FBLN1: variants seen among roughly 807,000 people sequenced by gnomAD.
The protein encoded by FBLN1 is fibulin-1.
A neutral mutation model predicts 89.7 loss-of-function variants in FBLN1; 34 were observed. That is an observed-to-expected ratio of 0.38 (90% CI 0.29 to 0.50). The LOEUF (loss-of-function observed/expected upper bound fraction) is 0.50, where lower values mean the gene tolerates loss of function less well. FBLN1 is among the 20% of genes least tolerant of loss of function. FBLN1 has a pLI of 0.92. For missense variants in FBLN1, 777 were observed against 988.1 expected (o/e 0.79, Z 2.86); for synonymous variants, 393 against 391.3 (o/e 1.00, Z -0.05).
At chr22:45,533,421 G>A (rs990189273) in intron 6 of FBLN1, among the ~76,000 whole-genome samples, 1 of 152,206 alleles carries the variant, frequency 6.6e-6, no homozygotes, top group Non-Finnish European at 1.5e-5. Context: ...CCGGATCCAG[G>A]ATCTGCTGAG....
intron 14 of FBLN1, among the ~76,000 whole-genome samples, chr22:45,559,961 G>A (rs1190970089): frequency 1.3e-5 from 2 of 152,192 alleles, no homozygotes; most frequent in African/African-American, 2.4e-5. Flanking sequence ...TTGAGGGGCC[G>A]TGATTCTCTT....
intron 14 of FBLN1, among the ~76,000 whole-genome samples, chr22:45,551,623 A>G (rs1198380359): frequency 1.3e-5 from 2 of 152,222 alleles, no homozygotes; most frequent in African/African-American, 4.8e-5. Flanking sequence ...TGTCTGCTTG[A>G]AAACCCAACA....
In FBLN1 at chr22:45,579,599, G is replaced by A. The variant is rs901200264; in HGVS notation, c.1972+2491G>A. Among the ~76,000 whole-genome samples the A allele has an allele frequency of 2.6e-5, 4 of 152,170 alleles. No homozygotes were observed. Among genetic ancestry groups the A allele is most frequent in the African/African-American group, 7.2e-5 (3 of 41,438 alleles). On this transcript the variant is annotated intron_variant, in intron 16 of 16. Transcript: ENST00000327858. The surrounding 1 kb of genome is among the most constrained non-coding windows in gnomAD (Gnocchi z 5.5). Reference sequence around the variant, plus strand: ...CTGGGGAGGCCCCTGCCTCTTCCACGCCTCGGTCTGTGTGCAGGATGCCCC... The same window carrying A: ...CTGGGGAGGCCCCTGCCTCTTCCACACCTCGGTCTGTGTGCAGGATGCCCC...
chr22:45,532,969 A>C lies in FBLN1; in HGVS notation c.545-94A>C. ...CCTGCCTTCCTGGGTTCGTCTGCCC[A>C]GAGGGCGTTTTCTATGACCCAGCCT... On this transcript the variant is annotated intron_variant, in intron 5 of 16. Coordinates refer to ENST00000327858, the MANE Select transcript of FBLN1 (RefSeq NM_006486.3). The surrounding 1 kb of genome is among the most constrained non-coding windows in gnomAD (Gnocchi z 4.2). The C allele has an allele frequency of 3.4e-6, 4 of 1,167,538 alleles. No individual in the cohort carries two copies. The South Asian group carries it at 3.8e-5, about 11-fold the overall frequency. 72.3% of individuals were successfully genotyped at this position (1,167,538 alleles called of 1,614,324 possible).
intron 16 of FBLN1, among the ~76,000 whole-genome samples, chr22:45,593,840 T>C (rs1222087738): frequency 6.6e-6 from 1 of 152,210 alleles, no homozygotes; most frequent in Non-Finnish European, 1.5e-5. Flanking sequence ...TGCCTTCATC[T>C]TACGACGTGT....
At chr22:45,533,222 T>G in intron 6 of FBLN1, 58 bp downstream of exon 6, 6 of 1,477,300 alleles carry the variant, frequency 4.1e-6, no homozygotes, top group Non-Finnish European at 5.7e-6. Flanking sequence ...TTGGGAGCTC[T>G]GTGCTGGAGG....
At chr22:45,542,369 C>A in intron 10 of FBLN1, 86 bp downstream of exon 10, 2 of 1,532,924 alleles carry the variant, frequency 1.3e-6, no homozygotes, top group East Asian at 2.3e-5. Flanking sequence ...GTGATGTGGT[C>A]TGATCCTCAT....
Position 45,563,445 on chromosome 22 carries a change from G to T in FBLN1, c.1698-11066G>T, listed in dbSNP as rs1241149386. On this transcript the variant is annotated intron_variant, in intron 14 of 16. Transcript: ENST00000327858. The surrounding 1 kb of genome is among the most constrained non-coding windows in gnomAD (Gnocchi z 5.7). The stretch of plus-strand genomic sequence containing the variant: ...GGGGGTGAGCTGGGCACTGGCCACC[G>T]CCTGGTACCCCCGAGGGCTGACTGA... The T allele has an allele frequency of 8.0e-6, 11 of 1,375,152 alleles. No homozygotes were observed. The highest frequency in any genetic ancestry group is 1.1e-5 in the Non-Finnish European group (11 of 1,023,924). The allele number at this position is 1,375,152 out of a possible 1,614,324, so 85.2% of individuals were successfully genotyped here.
chr22:45,560,858 G>A (rs1019575570), intron 14 of FBLN1, among the ~76,000 whole-genome samples: 2 of 152,140 alleles, frequency 1.3e-5, no homozygotes, highest in African/African-American at 4.8e-5. Context: ...TGTTAGGGGT[G>A]GCTCCTGAGG....
In FBLN1 at chr22:45,588,213, T is replaced by C. The variant is rs1351334189; in HGVS notation, c.1972+11105T>C. Among the ~76,000 whole-genome samples the C allele has an allele frequency of 6.6e-6, 1 of 152,000 alleles. No individual in the cohort carries two copies. Among genetic ancestry groups the C allele is most frequent in the Non-Finnish European group, 1.5e-5 (1 of 67,982 alleles). On this transcript the variant is annotated intron_variant, in intron 16 of 16. Coordinates refer to ENST00000327858, the MANE Select transcript of FBLN1 (RefSeq NM_006486.3). This position sits in a 1 kb window ranked among gnomAD's most constrained non-coding sequence, Gnocchi z 5.1. Reference sequence around the variant, plus strand: ...TGACATTTGTCAAAGACTCAGGAGCTGAGGAAGTGACCCACACAGAGATCT... The same window carrying C: ...TGACATTTGTCAAAGACTCAGGAGCCGAGGAAGTGACCCACACAGAGATCT...
intron 7 of FBLN1, among the ~76,000 whole-genome samples, chr22:45,534,131 C>T (rs958070877): frequency 1.2e-4 from 18 of 152,202 alleles, no homozygotes; most frequent in African/African-American, 4.3e-4. Flanking sequence ...AAAAAGTTGA[C>T]AGTAGTGCAC....
rs1159658341 is a variant in FBLN1, at chr22:45,532,257, G to A, written c.545-806G>A. 6.6e-6 allele frequency among the ~76,000 whole-genome samples: 1 copy of A among 152,160 alleles called. No homozygotes were observed. Among genetic ancestry groups the A allele is most frequent in the Non-Finnish European group, 1.5e-5 (1 of 68,034 alleles). On this transcript the variant is annotated intron_variant, in intron 5 of 16. Coordinates refer to ENST00000327858, the MANE Select transcript of FBLN1 (RefSeq NM_006486.3). This position sits in a 1 kb window ranked among gnomAD's most constrained non-coding sequence, Gnocchi z 4.2. Reference sequence around the variant, plus strand: ...AGCAAGCCTCAGGGCTATGGGAGGAGCTTTCTGGGGAGGGGAGAGCTGGTC... The same window carrying A: ...AGCAAGCCTCAGGGCTATGGGAGGAACTTTCTGGGGAGGGGAGAGCTGGTC...
rs2089196723 is a variant in FBLN1 at position 45,597,447 on chromosome 22, A to G, written c.1973-2860A>G. ...GGTGGTAAGAAGTGTCTCTGCGCCT[A>G]GTACCAGTAAAGTTGGCAGGTCACT... is the stretch of plus-strand genomic sequence containing the variant. On this transcript the variant is annotated intron_variant, in intron 16 of 16. Coordinates refer to ENST00000327858, the MANE Select transcript of FBLN1 (RefSeq NM_006486.3). The surrounding 1 kb of genome is among the most constrained non-coding windows in gnomAD (Gnocchi z 4.2). Among the ~76,000 whole-genome samples, 1 of 152,214 alleles carries G rather than the reference A, an allele frequency of 6.6e-6. No homozygotes were observed. Among genetic ancestry groups the G allele is most frequent in the South Asian group, 2.1e-4 (1 of 4,834 alleles).
intron 14 of FBLN1, among the ~76,000 whole-genome samples, chr22:45,569,258 C>T (rs1374608306): frequency 6.6e-6 from 1 of 152,164 alleles, no homozygotes; most frequent in East Asian, 1.9e-4. Context: ...GTCCCTATCT[C>T]CAAATGCAGT....
chr22:45,531,855 A>G lies in FBLN1; in HGVS notation c.544+531A>G, dbSNP rs2088413160. 6.6e-6 allele frequency among the ~76,000 whole-genome samples: 1 copy of G among 152,238 alleles called. No individual in the cohort carries two copies. The highest frequency in any genetic ancestry group is 2.4e-5 in the African/African-American group (1 of 41,458). On this transcript the variant is annotated intron_variant, in intron 5 of 16. Transcript: ENST00000327858. This position sits in a 1 kb window ranked among gnomAD's most constrained non-coding sequence, Gnocchi z 4.9. ...AGCCCCCAGGCCTTGTGAAGGTGAC[A>G]GAGGCCTCCCTCAGGCTCTCAGGGG...
chr22:45,547,627 G>A (rs1429512877), intron 12 of FBLN1, among the ~76,000 whole-genome samples: 18 of 151,594 alleles, frequency 1.2e-4, no homozygotes, highest in Admixed American at 9.2e-4. Flanking sequence ...CTCGAACTCC[G>A]TGGCTCAAGT....
intron 8 of FBLN1, among the ~76,000 whole-genome samples, chr22:45,541,021 C>T (rs1431602092): frequency 6.6e-6 from 1 of 152,184 alleles, no homozygotes; most frequent in Non-Finnish European, 1.5e-5. Flanking sequence ...GAAGAAGGGC[C>T]AGAGAGGTGG....
Position 45,574,538 on chromosome 22 carries a change from C to G in FBLN1, c.1725C>G (p.Val575=), listed in dbSNP as rs1318456936. 1.2e-6 allele frequency: 2 copies of G among 1,614,180 alleles called. No individual in the cohort carries two copies. The part of the protein sequence containing the change: ...ATLQQEKTDT[V]RCIKSCRPND... ...TCCAGCAGGAGAAGACAGACACGGT[C>G]CGCTGCATCAAGTCCTGCCGCCCCA... The change falls in exon 15 of 17, where the codon GTC becomes GTG. Residue 575 remains valine, a synonymous_variant. Coordinates refer to ENST00000327858, the MANE Select transcript of FBLN1 (RefSeq NM_006486.3). This position sits in a 1 kb window ranked among gnomAD's most constrained non-coding sequence, Gnocchi z 4.1.
chr22:45,572,634 C>A lies in FBLN1; in HGVS notation c.1698-1877C>A, dbSNP rs564060811. Among the ~76,000 whole-genome samples the A allele has an allele frequency of 1.3e-5, 2 of 152,342 alleles. No homozygotes were observed. The highest frequency in any genetic ancestry group is 4.8e-5 in the African/African-American group (2 of 41,576). On this transcript the variant is annotated intron_variant, in intron 14 of 16. Coordinates refer to ENST00000327858, the MANE Select transcript of FBLN1 (RefSeq NM_006486.3). The surrounding 1 kb of genome is among the most constrained non-coding windows in gnomAD (Gnocchi z 5.8). Reference sequence around the variant, plus strand: ...TGAAGTGGTAGAACCAGACTATCGGCATTTTGCAATCCTTGATGAATCAGT... The same window carrying A: ...TGAAGTGGTAGAACCAGACTATCGGAATTTTGCAATCCTTGATGAATCAGT...
Sources: allele counts gnomAD v4.1 joint callset (sites outside exome capture counted in the v4.1 genomes callset), GRCh38; gene constraint gnomAD v4.1.1; non-coding constraint Gnocchi (gnomAD v3.1); transcripts MANE v1.5; gene names NCBI Gene and HGNC (gene_info 2026-07-23, HGNC 2026-07-21).